TEAD3: variants seen among roughly 807,000 people sequenced by gnomAD.
The protein encoded by TEAD3 is TEA domain transcription factor 3, also known as transcriptional enhancer factor TEF-5.
A neutral mutation model predicts 55.6 loss-of-function variants in TEAD3; 15 were observed. The observed-to-expected ratio is 0.27, with a 90% CI of 0.18 to 0.42. The LOEUF (loss-of-function observed/expected upper bound fraction) is 0.42. Among genes scored for constraint, TEAD3 ranks in the 10% least tolerant of loss-of-function variants. The pLI, the probability that TEAD3 is intolerant of heterozygous loss-of-function variation, is 1.00. For missense variants in TEAD3, 407 were observed against 576.8 expected, an observed-to-expected ratio of 0.71 and a Z score of 3.01; for synonymous variants, 210 against 232.2, an observed-to-expected ratio of 0.90 and a Z score of 0.87.
chr6:35,478,059 C>T (rs1008255286), intron 7 of TEAD3, among the ~76,000 whole-genome samples: 17 of 151,000 alleles, frequency 1.1e-4, no homozygotes, highest in African/African-American at 4.2e-4. Context: ...TGCCCTGTTA[C>T]CCAGGCTGAT....
intron 1 of TEAD3, among the ~76,000 whole-genome samples, chr6:35,490,163 C>T (rs1768478493): frequency 6.6e-6 from 1 of 152,226 alleles, no homozygotes; most frequent in Admixed American, 6.5e-5. Flanking sequence ...CAAGTCCCTG[C>T]CCGCCTCCCC....
At chr6:35,478,885 T>C (rs1022606349) in intron 5 of TEAD3, among the ~76,000 whole-genome samples, 1 of 148,430 alleles carries the variant, frequency 6.7e-6, no homozygotes, top group Non-Finnish European at 1.5e-5. Flanking sequence ...TTCTTTTTTT[T>C]TTTTTTTTTT....
chr6:35,482,953 G>A (rs190956718), intron 3 of TEAD3, among the ~76,000 whole-genome samples: 2 of 152,328 alleles, frequency 1.3e-5, no homozygotes, highest in Admixed American at 1.3e-4. Context: ...TTCTTCTGCA[G>A]CGCTTACGCT....
At chr6:35,479,337 ATAGAT>A in intron 4 of TEAD3, 21 bp from the exon 5 acceptor site, 1 of 1,613,940 alleles carries the variant, frequency 6.2e-7, no homozygotes, top group Non-Finnish European at 8.5e-7. Flanking sequence ...GAGAAGGAAG[ATAGAT>A]TAGAGGACAT....
exon 13 of TEAD3, chr6:35,474,970 C>A (rs533908006): frequency 3.1e-6 from 4 of 1,286,104 alleles, no homozygotes; most frequent in East Asian, 2.6e-5. Flanking sequence ...CAATCCTGGA[C>A]CCCCCCAGGG....
intron 1 of TEAD3, among the ~76,000 whole-genome samples, chr6:35,492,873 C>A (rs905794524): frequency 2.6e-5 from 4 of 152,132 alleles, no homozygotes; most frequent in African/African-American, 9.7e-5. Flanking sequence ...TCACCCCCTC[C>A]CTGGGACTGA....
rs1189307622 is a variant in TEAD3, at chr6:35,485,055, G to A, written c.203-431C>T. Among the ~76,000 whole-genome samples, 1 of 152,184 alleles carries A rather than the reference G, an allele frequency of 6.6e-6. No individual in the cohort carries two copies. The highest frequency in any genetic ancestry group is 2.4e-5 in the African/African-American group (1 of 41,430). On this transcript the variant is annotated intron_variant, in intron 2 of 12. Transcript: ENST00000639578. This position sits in a 1 kb window ranked among gnomAD's most constrained non-coding sequence, Gnocchi z 4.3. ...TGTGTCACCAGCTCCAGTACTCTTA[G>A]TGCATGGATTTGTGGGGGCGTGTGA... is the stretch of plus-strand genomic sequence containing the variant.
At chr6:35,493,111 A>AACT (rs1038717498) in intron 1 of TEAD3, among the ~76,000 whole-genome samples, 3 of 152,178 alleles carry the variant, frequency 2.0e-5, no homozygotes, top group African/African-American at 4.8e-5. Flanking sequence ...TCTCGCTCGC[A>AACT]TACACAGTTG....
At chr6:35,478,734 G>A (rs1215114858) in intron 5 of TEAD3, among the ~76,000 whole-genome samples, 163 bp from the exon 6 acceptor site, 2 of 152,184 alleles carry the variant, frequency 1.3e-5, no homozygotes, top group African/African-American at 4.8e-5. Context: ...GTGATCTTGG[G>A]AGAGTCTCTG....
chr6:35,475,106 A>G lies in TEAD3; in HGVS notation c.1246T>C (p.Phe416Leu). ...CCGTGCTCACTGGTGGAGACTTCGA[A>G]GACAAAAGCAATGACAAGCAGGGTC... The change falls in exon 13 of 13, where the codon TTC becomes CTC. Residue 416 changes from phenylalanine (F) to leucine (L), a missense_variant. Physicochemically the swap from Phe to Leu is conservative, Grantham distance 22. Coordinates refer to ENST00000639578, the Ensembl canonical transcript of TEAD3. This position sits in a 1 kb window ranked among gnomAD's most constrained non-coding sequence, Gnocchi z 5.4. 3 of 1,597,474 alleles carry G rather than the reference A, an allele frequency of 1.9e-6. No individual in the cohort carries two copies. The highest frequency in any genetic ancestry group is 2.6e-6 in the Non-Finnish European group (3 of 1,171,616).
At position 35,476,420 on chromosome 6, in the gene TEAD3, G is replaced by A. The variant is rs781320690; in HGVS notation, c.608C>T (p.Ala203Val). 12 of 1,612,866 alleles carry A rather than the reference G, an allele frequency of 7.4e-6. No homozygotes were observed. The African/African-American group carries it at 1.2e-4, about 16-fold the overall frequency. ...AGAGGCAGCAGCTGAGGGGAGCGGG[G>A]CCAGGGGCTCATAACCTGGGAGGGC... The change falls in exon 9 of 13, where the codon GCC becomes GTC. Residue 203 changes from alanine to valine, a missense_variant. Ala to Val is a moderately conservative substitution (Grantham distance 64, BLOSUM62 0). Coordinates refer to ENST00000639578, the Ensembl canonical transcript of TEAD3.
Position 35,485,112 on chromosome 6 carries a change from T to A in TEAD3, c.203-488A>T, listed in dbSNP as rs1768347405. Among the ~76,000 whole-genome samples, 1 of 152,212 alleles carries A rather than the reference T, an allele frequency of 6.6e-6. No homozygotes were observed. Among genetic ancestry groups the A allele is most frequent in the Non-Finnish European group, 1.5e-5 (1 of 68,014 alleles). On this transcript the variant is annotated intron_variant, in intron 2 of 12. Coordinates refer to ENST00000639578, the Ensembl canonical transcript of TEAD3. This position sits in a 1 kb window ranked among gnomAD's most constrained non-coding sequence, Gnocchi z 4.3. ...CTGCCCCAGGTGGATGTCCTGCCCTTGCTCTGTCTTTACCCTGGTCAAGTC... is the reference window on the plus strand; with the variant it reads ...CTGCCCCAGGTGGATGTCCTGCCCTAGCTCTGTCTTTACCCTGGTCAAGTC...
chr6:35,494,483 G>A lies in TEAD3; in HGVS notation c.-50+2415C>T, dbSNP rs1768597968. 3.9e-5 allele frequency among the ~76,000 whole-genome samples: 6 copies of A among 152,148 alleles called. No individual in the cohort carries two copies. In the South Asian group the frequency reaches 1.0e-3, roughly 26 times the overall value. On this transcript the variant is annotated intron_variant, in intron 1 of 12. Transcript: ENST00000639578. ...GGGAGGGGAGGGAAGGCAGGGCAAG[G>A]CCCCAGGGACAGTGCCGAGTGTGAC...
At chr6:35,481,739 C>A (rs1247311580) in intron 3 of TEAD3, among the ~76,000 whole-genome samples, 2 of 152,166 alleles carry the variant, frequency 1.3e-5, no homozygotes, top group Admixed American at 6.5e-5. Flanking sequence ...GATTCAAACC[C>A]AGGCGGTCTG....
chr6:35,493,084 T>C (rs1210113235), intron 1 of TEAD3, among the ~76,000 whole-genome samples: 1 of 152,070 alleles, frequency 6.6e-6, no homozygotes, highest in Non-Finnish European at 1.5e-5. Context: ...ACAAATAGGT[T>C]TCCTCTGCGC....
intron 1 of TEAD3, among the ~76,000 whole-genome samples, chr6:35,493,797 C>A (rs1768584766): frequency 6.6e-6 from 1 of 152,254 alleles, no homozygotes; most frequent in Admixed American, 6.5e-5. Flanking sequence ...ATACACACAG[C>A]ATCGTGCGAG....
chr6:35,493,580 G>C (rs929792802), intron 1 of TEAD3, among the ~76,000 whole-genome samples: 1 of 152,192 alleles, frequency 6.6e-6, no homozygotes, highest in African/African-American at 2.4e-5. Context: ...GGCCCACCTT[G>C]CTGGTACACA....
intron 1 of TEAD3, among the ~76,000 whole-genome samples, chr6:35,490,757 C>T (rs1037639082): frequency 1.1e-4 from 16 of 152,166 alleles, no homozygotes; most frequent in Admixed American, 5.2e-4. Context: ...GGACCCAGGC[C>T]GGGCTGAGAG....
intron 1 of TEAD3, among the ~76,000 whole-genome samples, chr6:35,487,411 G>A (rs1383828345): frequency 6.6e-6 from 1 of 152,078 alleles, no homozygotes; most frequent in Non-Finnish European, 1.5e-5. Flanking sequence ...AATTAGCCGG[G>A]CATGGTGGCA....
Sources: allele counts gnomAD v4.1 joint callset (sites outside exome capture counted in the v4.1 genomes callset), GRCh38; gene constraint gnomAD v4.1.1; non-coding constraint Gnocchi (gnomAD v3.1); transcripts MANE v1.5; gene names NCBI Gene and HGNC (gene_info 2026-07-23, HGNC 2026-07-21).